Variants in TMEM132B observed in about 807,000 individuals in gnomAD.
TMEM132B encodes transmembrane protein 132B.
TMEM132B carries 18 observed loss-of-function variants against 90.8 expected under a neutral mutation model. The ratio of observed to expected loss-of-function variants is 0.20; its 90% CI spans 0.14 to 0.29. The LOEUF (loss-of-function observed/expected upper bound fraction) is 0.29, where lower values mean the gene tolerates loss of function less well. TMEM132B is among the 10% of genes least tolerant of loss of function. The pLI, the probability that TMEM132B is intolerant of heterozygous loss-of-function variation, is 1.00. For missense variants in TMEM132B, 1,096 were observed against 1,326.8 expected (o/e 0.83, Z 2.70); for synonymous variants, 504 against 523.3 (o/e 0.96, Z 0.50).
At chr12:125,400,495 T>C (rs1279482470) in intron 2 of TMEM132B, among the ~76,000 whole-genome samples, 1 of 152,222 alleles carries the variant, frequency 6.6e-6, no homozygotes, top group Non-Finnish European at 1.5e-5. Context: ...GCCCAAAATA[T>C]CTGGGTTTCC....
At chr12:125,507,924 A>C (rs1882885399) in intron 3 of TMEM132B, among the ~76,000 whole-genome samples, 1 of 152,164 alleles carries the variant, frequency 6.6e-6, no homozygotes, top group South Asian at 2.1e-4. Flanking sequence ...AGGTTATTGC[A>C]GTCGCCCCGG....
At chr12:125,367,145 A>G (rs1341973738) in intron 2 of TMEM132B, among the ~76,000 whole-genome samples, 2 of 152,148 alleles carry the variant, frequency 1.3e-5, no homozygotes, top group African/African-American at 4.8e-5. Flanking sequence ...TAATTCTAAC[A>G]TCTGGGTCAT....
Position 125,555,726 on chromosome 12 carries a change from A to ATG in TMEM132B, c.1294-28124_1294-28123insGT, listed in dbSNP as rs1312416870. Among the ~76,000 whole-genome samples, 8 of 151,332 alleles carry ATG rather than the reference A, an allele frequency of 5.3e-5. No individual in the cohort carries two copies. In the East Asian group the frequency reaches 1.5e-3, roughly 29 times the overall value. ...CTTAAAGTATAGTAAAAAAAAATAT[A>ATG]TATATATATAAAAAGAAAAGAGTCA... is the stretch of plus-strand genomic sequence containing the variant. On this transcript the variant is annotated intron_variant, in intron 4 of 8. Coordinates refer to ENST00000682704, the MANE Select transcript of TMEM132B (RefSeq NM_001366854.1).
intron 1 of TMEM132B, among the ~76,000 whole-genome samples, chr12:125,274,002 G>A (rs1874920319): frequency 6.6e-6 from 1 of 152,106 alleles, no homozygotes; most frequent in Admixed American, 6.5e-5. Context: ...CTCTTCCCCA[G>A]TCTCATTCCC....
chr12:125,512,195 G>A (rs1261196166), intron 3 of TMEM132B, among the ~76,000 whole-genome samples: 1 of 152,168 alleles, frequency 6.6e-6, no homozygotes, highest in Non-Finnish European at 1.5e-5. Flanking sequence ...GAGTAAAGTG[G>A]CTCAGGCCTA....
intron 3 of TMEM132B, among the ~76,000 whole-genome samples, chr12:125,442,350 T>C (rs1470824619): frequency 6.6e-6 from 1 of 152,218 alleles, no homozygotes; most frequent in Non-Finnish European, 1.5e-5. Flanking sequence ...CATTGGGGGA[T>C]GTTTTGTGAT....
intron 1 of TMEM132B, among the ~76,000 whole-genome samples, chr12:125,235,921 AG>A (rs1873925752): frequency 6.9e-6 from 1 of 145,680 alleles, no homozygotes; most frequent in South Asian, 2.1e-4. Context: ...CTCCTGCCTC[AG>A]CCTCCCGAGT....
chr12:125,386,737 A>T (rs1053711811), intron 2 of TMEM132B, among the ~76,000 whole-genome samples: 4 of 152,218 alleles, frequency 2.6e-5, no homozygotes, highest in African/African-American at 9.6e-5. Flanking sequence ...TTTAGGAGGA[A>T]TAGAAAGGTT....
chr12:125,412,413 C>T lies in TMEM132B; in HGVS notation c.960-3118C>T, dbSNP rs114234759. Among the ~76,000 whole-genome samples, 851 of 152,292 alleles carry T rather than the reference C, an allele frequency of 5.6e-3. 7 individuals carry two copies. The highest frequency in any genetic ancestry group is 0.02 in the African/African-American group (816 of 41,542). ...CAGACTTAACTACTGAGGCATTTGT[C>T]AGGCAATAAATGATGCAATGTGTGT... On this transcript the variant is annotated intron_variant, in intron 2 of 8. Transcript: ENST00000682704.
intron 5 of TMEM132B, among the ~76,000 whole-genome samples, chr12:125,599,038 G>A (rs113790898): frequency 1.3e-5 from 2 of 152,232 alleles, no homozygotes; most frequent in African/African-American, 4.8e-5. Context: ...TCTTTGTAGT[G>A]AGGGAGCAAC....
chr12:125,365,142 T>G (rs867573439), intron 2 of TMEM132B, among the ~76,000 whole-genome samples: 31 of 152,112 alleles, frequency 2.0e-4, no homozygotes, highest in Middle Eastern at 3.4e-3. Flanking sequence ...GCTTTTTTTT[T>G]GGGCATTATT....
intron 2 of TMEM132B, among the ~76,000 whole-genome samples, chr12:125,388,296 G>T (rs1878905702): frequency 6.6e-6 from 1 of 152,038 alleles, no homozygotes; most frequent in Non-Finnish European, 1.5e-5. Flanking sequence ...GGGCGTGGTG[G>T]TGCACGTCTG....
chr12:125,500,360 C>T (rs1334722096), intron 3 of TMEM132B, among the ~76,000 whole-genome samples: 3 of 152,216 alleles, frequency 2.0e-5, no homozygotes, highest in Non-Finnish European at 4.4e-5. Flanking sequence ...GTGCAGCAGC[C>T]TCCTGGCTTC....
At position 125,289,172 on chromosome 12, in the gene TMEM132B, G is replaced by A. The variant is rs1875462582; in HGVS notation, c.68-60280G>A. ...TTCTGACCCCTTCCTGGCTGAGGTG[G>A]GTTCTGAGTCCCATACTCTCTGCCA... is the stretch of plus-strand genomic sequence containing the variant. On this transcript the variant is annotated intron_variant, in intron 1 of 8. Transcript: ENST00000682704. Among the ~76,000 whole-genome samples, 4 of 152,242 alleles carry A rather than the reference G, an allele frequency of 2.6e-5. No homozygotes were observed. The South Asian group carries it at 8.3e-4, about 32-fold the overall frequency.
At chr12:125,437,237 T>C (rs962771559) in intron 3 of TMEM132B, among the ~76,000 whole-genome samples, 1 of 152,206 alleles carries the variant, frequency 6.6e-6, no homozygotes, top group African/African-American at 2.4e-5. Flanking sequence ...CTGCTCGTGG[T>C]GTGAACATTC....
chr12:125,610,077 T>C (rs1394858782), intron 5 of TMEM132B, among the ~76,000 whole-genome samples: 1 of 152,054 alleles, frequency 6.6e-6, no homozygotes, highest in Non-Finnish European at 1.5e-5. Flanking sequence ...TATTTGTATA[T>C]TGATCTTGTA....
Position 125,273,868 on chromosome 12 carries a change from TGG to T in TMEM132B, c.68-75583_68-75582del, listed in dbSNP as rs1874915310. The stretch of plus-strand genomic sequence containing the variant: ...TTGTAGAGATGGGGTTTCACCATGT[TGG>T]TCAGTCTGGTCTTGAACTTCTGACC... On this transcript the variant is annotated intron_variant, in intron 1 of 8. Transcript: ENST00000682704. Among the ~76,000 whole-genome samples, 3 of 152,164 alleles carry T rather than the reference TGG, an allele frequency of 2.0e-5. No homozygotes were observed. The South Asian group carries it at 6.2e-4, about 32-fold the overall frequency.
chr12:125,204,964 G>A (rs1388085649), intron 1 of TMEM132B, among the ~76,000 whole-genome samples: 1 of 127,852 alleles, frequency 7.8e-6, no homozygotes, highest in African/African-American at 3.1e-5. Context: ...TTCAATGAGG[G>A]CTCCGTGTAC....
intron 5 of TMEM132B, among the ~76,000 whole-genome samples, chr12:125,633,115 T>A (rs954098605): frequency 2.6e-5 from 4 of 152,230 alleles, no homozygotes; most frequent in African/African-American, 9.6e-5. Flanking sequence ...ATTCTTTTTT[T>A]AAATTTTGTC....
Sources: gnomAD v4.1 joint callset for allele counts (sites outside exome capture counted in the v4.1 genomes callset) on GRCh38, gnomAD v4.1.1 for gene constraint, MANE v1.5 for transcripts, NCBI Gene and HGNC (gene_info 2026-07-23, HGNC 2026-07-21) for gene names.